The following MYO6 variants were observed in gnomAD, a reference collection of about 807,000 sequenced individuals.
MYO6 encodes unconventional myosin-VI.
MYO6 carries 74 observed loss-of-function variants against 178.7 expected under a neutral mutation model. That is an observed-to-expected ratio of 0.41 (90% CI 0.34 to 0.50). MYO6 has a LOEUF of 0.50. MYO6 is among the 20% of genes least tolerant of loss of function. The pLI is 0.09. For missense variants in MYO6, 1,330 were observed against 1,547.4 expected, an observed-to-expected ratio of 0.86 and a Z score of 2.36; for synonymous variants, 477 against 504.6, an observed-to-expected ratio of 0.95 and a Z score of 0.73.
chr6:75,776,713 G>T (rs559723738), intron 1 of MYO6, among the ~76,000 whole-genome samples: 2 of 151,710 alleles, frequency 1.3e-5, no homozygotes, highest in Non-Finnish European at 2.9e-5. Flanking sequence ...GGGTAGTGCT[G>T]TGTTTCCCAG....
chr6:75,840,500 A>G (rs865943645), intron 7 of MYO6, 85 bp from the exon 8 acceptor site: 11 of 901,386 alleles, frequency 1.2e-5, no homozygotes, highest in Middle Eastern at 4.8e-4. Context: ...CTAGACATAT[A>G]TATTAACAAA....
chr6:75,888,090 G>C (rs1298008771), intron 25 of MYO6, among the ~76,000 whole-genome samples: 1 of 151,966 alleles, frequency 6.6e-6, no homozygotes, highest in Non-Finnish European at 1.5e-5. Context: ...AGGAGGTTGA[G>C]ACCAGCCCAG....
At chr6:75,859,667 C>CT (rs34957875) in intron 14 of MYO6, among the ~76,000 whole-genome samples, 42,397 of 118,116 alleles carry the variant, frequency 0.36, 9,339 homozygotes, top group Middle Eastern at 0.52. Flanking sequence ...ATCTCCCACT[C>CT]TTTTTTTTTT....
At chr6:75,844,056 A>G (rs11963112) in intron 9 of MYO6, among the ~76,000 whole-genome samples, 2,475 of 152,278 alleles carry the variant, frequency 0.016, 71 homozygotes, top group African/African-American at 0.057. Context: ...GATTTGCCCA[A>G]TTCCATCTAA....
At position 75,840,383 on chromosome 6, in the gene MYO6, G is replaced by A. The variant is rs563030450; in HGVS notation, c.554-202G>A. The stretch of plus-strand genomic sequence containing the variant: ...TCATCATCTTGGCCAGGTTGGTCTC[G>A]AACTCCTGACCTCGTGATCCACCTG... On this transcript the variant is annotated intron_variant, in intron 7 of 34. Coordinates refer to ENST00000369977, the MANE Select transcript of MYO6 (RefSeq NM_004999.4). Among the ~76,000 whole-genome samples, 8 of 151,934 alleles carry A rather than the reference G, an allele frequency of 5.3e-5. No individual in the cohort carries two copies. The South Asian group carries it at 1.2e-3, about 24-fold the overall frequency.
At position 75,866,517 on chromosome 6, in the gene MYO6, G is replaced by A. The variant is rs771953343; in HGVS notation, c.1675-9G>A. 6.2e-7 allele frequency: 1 copy of A among 1,602,006 alleles called. No homozygotes were observed. Among genetic ancestry groups the A allele is most frequent in the East Asian group, 2.2e-5 (1 of 44,796 alleles). On this transcript the variant is annotated splice_polypyrimidine_tract_variant and intron_variant, in intron 16 of 34. Transcript: ENST00000369977. ...TCATTTAATAACTCATATATGTATT[G>A]TTTTTCAGATTCCCAGAAAATCTAA...
intron 1 of MYO6, among the ~76,000 whole-genome samples, chr6:75,750,097 C>T (rs1582948309): frequency 7.3e-6 from 1 of 137,920 alleles, no homozygotes; most frequent in Admixed American, 7.4e-5. Context: ...AATTCATTAC[C>T]TTTTTTTTTT....
intron 32 of MYO6, among the ~76,000 whole-genome samples, chr6:75,909,750 GT>G (rs1175993578): frequency 6.6e-6 from 1 of 152,172 alleles, no homozygotes; most frequent in Admixed American, 6.6e-5. Flanking sequence ...TATTTTGTGT[GT>G]TTTTTTCCCC....
chr6:75,854,773 T>C (rs1354150964), intron 11 of MYO6, among the ~76,000 whole-genome samples: 1 of 152,208 alleles, frequency 6.6e-6, no homozygotes, highest in East Asian at 1.9e-4. Context: ...CCTTGAAATT[T>C]CTTGAAGTCA....
intron 11 of MYO6, among the ~76,000 whole-genome samples, chr6:75,849,400 T>C (rs17191306): frequency 0.23 from 34,764 of 152,134 alleles, 5,135 homozygotes; most frequent in Middle Eastern, 0.39. Flanking sequence ...CCATTTAATG[T>C]AGTAGTCAAT....
chr6:75,763,494 C>T (rs1037846700), intron 1 of MYO6, among the ~76,000 whole-genome samples: 1 of 152,092 alleles, frequency 6.6e-6, no homozygotes, highest in African/African-American at 2.4e-5. Context: ...TAGCTAAATA[C>T]ATATTTGATA....
chr6:75,910,650 A>G (rs1780691394), intron 32 of MYO6, among the ~76,000 whole-genome samples: 2 of 152,158 alleles, frequency 1.3e-5, no homozygotes, highest in Admixed American at 1.3e-4. Context: ...AGTCATTTTC[A>G]GGATATATTT....
chr6:75,791,867 A>AT (rs34667918), intron 1 of MYO6, among the ~76,000 whole-genome samples: 4 of 152,194 alleles, frequency 2.6e-5, no homozygotes, highest in African/African-American at 7.2e-5. Context: ...TACTTGAATC[A>AT]TTTTTTTGGA....
At chr6:75,840,484 T>G in intron 7 of MYO6, 101 bp from the exon 8 acceptor site, 1 of 844,846 alleles carries the variant, frequency 1.2e-6, no homozygotes, top group Non-Finnish European at 2.0e-6. Flanking sequence ...TTTAGAACAT[T>G]TTTTTCTAGA....
chr6:75,797,192 C>T (rs1287567476), intron 1 of MYO6, among the ~76,000 whole-genome samples: 2 of 152,258 alleles, frequency 1.3e-5, no homozygotes, highest in African/African-American at 4.8e-5. Flanking sequence ...TGGGGTCAAG[C>T]GCTTCTCCTG....
chr6:75,888,448 C>T (rs192802882), intron 25 of MYO6, among the ~76,000 whole-genome samples: 12 of 151,748 alleles, frequency 7.9e-5, no homozygotes, highest in African/African-American at 2.9e-4. Flanking sequence ...AAACCTGTCT[C>T]CACCAAAAAT....
chr6:75,838,902 C>A (rs758097856), intron 7 of MYO6, among the ~76,000 whole-genome samples: 2 of 151,882 alleles, frequency 1.3e-5, no homozygotes, highest in African/African-American at 4.8e-5. Context: ...CCCCATGATC[C>A]GCCCACCTCG....
chr6:75,847,300 TG>T (rs1360370111), intron 10 of MYO6, among the ~76,000 whole-genome samples: 1 of 152,130 alleles, frequency 6.6e-6, no homozygotes, highest in Admixed American at 6.6e-5. Context: ...AATAATTTTG[TG>T]GAAAGACAAT....
At chr6:75,800,700 A>G (rs998467279) in intron 1 of MYO6, among the ~76,000 whole-genome samples, 2 of 152,148 alleles carry the variant, frequency 1.3e-5, no homozygotes, top group East Asian at 1.9e-4. Flanking sequence ...GGAGAGAGGT[A>G]TAAGTTGGAG....
Sources: allele counts gnomAD v4.1 joint callset (sites outside exome capture counted in the v4.1 genomes callset), GRCh38; gene constraint gnomAD v4.1.1; transcripts MANE v1.5; gene names NCBI Gene and HGNC (gene_info 2026-07-23, HGNC 2026-07-21).